ADAM19: variants seen among roughly 807,000 people sequenced by gnomAD.
The protein encoded by ADAM19 is disintegrin and metalloproteinase domain-containing protein 19.
ADAM19 carries 65 observed loss-of-function variants against 114.7 expected under a neutral mutation model. The ratio of observed to expected loss-of-function variants is 0.57; its 90% CI spans 0.46 to 0.70. The LOEUF (loss-of-function observed/expected upper bound fraction) is 0.70, where lower values mean the gene tolerates loss of function less well. Ranked by LOEUF, ADAM19 falls within the 30% of genes least tolerant of loss-of-function variation. ADAM19 has a pLI of 0.00. For synonymous variants in ADAM19, 466 were observed against 460.5 expected, an observed-to-expected ratio of 1.01 and a Z score of -0.15; for missense variants, 1,063 against 1,204.7, an observed-to-expected ratio of 0.88 and a Z score of 1.74.
chr5:157,484,083 G>C (rs183607112), intron 21 of ADAM19, among the ~76,000 whole-genome samples: 4 of 151,698 alleles, frequency 2.6e-5, no homozygotes, highest in African/African-American at 9.7e-5. Flanking sequence ...TGTCCTTCCT[G>C]TGTTACTATT....
chr5:157,505,885 G>C, intron 10 of ADAM19, 77 bp from the exon 11 acceptor site: 3 of 1,504,084 alleles, frequency 2.0e-6, no homozygotes, highest in Non-Finnish European at 2.7e-6. Flanking sequence ...CTTATCCTTA[G>C]CCAAGTCTTG....
chr5:157,494,521 A>T (rs1467743320), intron 15 of ADAM19, among the ~76,000 whole-genome samples, 166 bp downstream of exon 15: 1 of 152,170 alleles, frequency 6.6e-6, no homozygotes, highest in Non-Finnish European at 1.5e-5. Context: ...CAGAGCTGAA[A>T]AGTGCATTGT....
intron 5 of ADAM19, among the ~76,000 whole-genome samples, chr5:157,526,594 G>A (rs1756469045): frequency 1.3e-5 from 2 of 151,692 alleles, no homozygotes; most frequent in Non-Finnish European, 2.9e-5. Context: ...TCCCCAGTGA[G>A]ATGGGATGCC....
At chr5:157,561,427 G>A (rs770266208) in intron 3 of ADAM19, among the ~76,000 whole-genome samples, 1 of 152,130 alleles carries the variant, frequency 6.6e-6, no homozygotes, top group Non-Finnish European at 1.5e-5. Flanking sequence ...GGCCAGACAC[G>A]GCAGGATGAT....
intron 3 of ADAM19, among the ~76,000 whole-genome samples, chr5:157,552,848 C>T (rs1361991624): frequency 6.6e-6 from 1 of 152,024 alleles, no homozygotes; most frequent in Non-Finnish European, 1.5e-5. Context: ...GAGTACTATT[C>T]TGCCATAAAA....
At chr5:157,507,285 G>A (rs1304598253) in intron 9 of ADAM19, 145 bp from the exon 10 acceptor site, 2 of 703,744 alleles carry the variant, frequency 2.8e-6, no homozygotes, top group Non-Finnish European at 5.0e-6. Flanking sequence ...CTTGTAACCA[G>A]GCCAACTGGA....
chr5:157,517,232 A>T (rs1367037116), intron 7 of ADAM19, among the ~76,000 whole-genome samples: 1 of 152,184 alleles, frequency 6.6e-6, no homozygotes, highest in Non-Finnish European at 1.5e-5. Context: ...TGGAAATGTG[A>T]CTAGGTACAG....
At chr5:157,492,831 T>C in intron 16 of ADAM19, 142 bp downstream of exon 16, 2 of 817,838 alleles carry the variant, frequency 2.4e-6, no homozygotes, top group South Asian at 3.3e-5. Context: ...CTGCTGTCAC[T>C]ATACACGCTT....
In ADAM19 at chr5:157,499,682, G is replaced by C. The variant is rs760283391; in HGVS notation, c.1309-20C>G. 1.9e-6 allele frequency: 3 copies of C among 1,559,574 alleles called. No homozygotes were observed. The Admixed American group carries it at 5.3e-5, about 28-fold the overall frequency. On this transcript the variant is annotated intron_variant, in intron 12 of 22. Coordinates refer to ENST00000257527, the MANE Select transcript of ADAM19 (RefSeq NM_033274.5). The stretch of plus-strand genomic sequence containing the variant: ...ACATTCCTGGGGAGGCAGTGGGGTG[G>C]GTGTGAGTGGGGGAGGGCCTTCACC...
At chr5:157,498,688 GTATATATA>G (rs55867903) in intron 13 of ADAM19, among the ~76,000 whole-genome samples, 43 of 143,882 alleles carry the variant, frequency 3.0e-4, no homozygotes, top group Non-Finnish European at 5.7e-4. Context: ...ATGTGTGTAT[GTATATATA>G]TATATATATA....
chr5:157,491,139 A>T (rs35413759), intron 18 of ADAM19, among the ~76,000 whole-genome samples: 15,248 of 147,246 alleles, frequency 0.1, 912 homozygotes, highest in Middle Eastern at 0.16. Context: ...TATTTTTTTT[A>T]AAAAAAAAAC....
intron 21 of ADAM19, among the ~76,000 whole-genome samples, chr5:157,488,018 G>A (rs1240440001): frequency 6.6e-6 from 1 of 152,114 alleles, no homozygotes; most frequent in Non-Finnish European, 1.5e-5. Flanking sequence ...GTGGAAGGTG[G>A]GTAGTGGCTT....
intron 3 of ADAM19, among the ~76,000 whole-genome samples, chr5:157,542,903 T>G (rs1215818552): frequency 6.6e-6 from 1 of 152,178 alleles, no homozygotes; most frequent in Non-Finnish European, 1.5e-5. Context: ...GAGTGTGGCT[T>G]TGAAAGATGT....
intron 8 of ADAM19, 108 bp from the exon 9 acceptor site, chr5:157,509,575 C>A (rs954633260): frequency 1.1e-6 from 1 of 887,074 alleles, no homozygotes; most frequent in Non-Finnish European, 1.5e-6. Flanking sequence ...AAAACTAAAA[C>A]TAAAAAATAA....
chr5:157,528,389 G>A (rs1419728232), intron 5 of ADAM19, among the ~76,000 whole-genome samples: 1 of 152,248 alleles, frequency 6.6e-6, no homozygotes, highest in Non-Finnish European at 1.5e-5. Context: ...TCCAGACTGA[G>A]GGGATGGAGG....
At chr5:157,571,915 A>G (rs1178420914) in intron 1 of ADAM19, among the ~76,000 whole-genome samples, 1 of 152,212 alleles carries the variant, frequency 6.6e-6, no homozygotes, top group Non-Finnish European at 1.5e-5. Context: ...GTGAAGAGTC[A>G]ATATGAAATT....
chr5:157,517,821 A>AT (rs1756136715), intron 7 of ADAM19, among the ~76,000 whole-genome samples: 1 of 152,254 alleles, frequency 6.6e-6, no homozygotes, highest in Non-Finnish European at 1.5e-5. Context: ...TTTGAGGAAC[A>AT]TGGAGTTAAA....
Position 157,497,041 on chromosome 5 carries a change from G to A in ADAM19, c.1447C>T (p.Leu483Phe). The A allele has an allele frequency of 1.3e-6, 2 of 1,574,004 alleles. No homozygotes were observed. Among genetic ancestry groups the A allele is most frequent in the Non-Finnish European group, 1.7e-6 (2 of 1,163,684 alleles). The change falls in exon 14 of 23, where the codon CTC becomes TTC. Residue 483 changes from leucine (L) to phenylalanine (F), a missense_variant. Leu to Phe is a conservative substitution (Grantham distance 22). This residue lies in a region of ADAM19 where 615 missense variants were observed against 706.3 expected (regional missense o/e 0.87). Coordinates refer to ENST00000257527, the MANE Select transcript of ADAM19 (RefSeq NM_033274.5). ...LCREQARQCD[L>F]PEFCTGKSPH... Reference sequence around the variant, plus strand: ...GACTTGCCCGTACAGAACTCCGGGAGGTCACACTGCCTGGCCTGCTCGCGG... The same window carrying A: ...GACTTGCCCGTACAGAACTCCGGGAAGTCACACTGCCTGGCCTGCTCGCGG...
chr5:157,540,115 G>A (rs1350709119), intron 3 of ADAM19, among the ~76,000 whole-genome samples: 1 of 152,230 alleles, frequency 6.6e-6, no homozygotes, highest in African/African-American at 2.4e-5. Context: ...AATAAATGTA[G>A]CAGACTTAAT....
Sources: allele counts gnomAD v4.1 joint callset (sites outside exome capture counted in the v4.1 genomes callset), GRCh38; gene constraint gnomAD v4.1.1; regional missense constraint gnomAD v4.1.1; transcripts MANE v1.5; gene names NCBI Gene and HGNC (gene_info 2026-07-23, HGNC 2026-07-21).